The following PSTPIP1 variants were observed in gnomAD, a reference collection of about 807,000 sequenced individuals.
The protein encoded by PSTPIP1 is proline-serine-threonine phosphatase interacting protein 1, also known as proline-serine-threonine phosphatase-interacting protein 1.
Under a neutral mutation model 69.6 loss-of-function variants are expected in PSTPIP1, and 66 were observed. The ratio of observed to expected loss-of-function variants is 0.95; its 90% CI spans 0.78 to 1.16. The LOEUF is 1.16. Among genes scored for constraint, PSTPIP1 ranks in the 50% most tolerant of loss-of-function variants. The probability of loss-of-function intolerance (pLI) is 0.00; values close to 1 mark genes in which losing one functional copy is unlikely to be tolerated. For missense variants in PSTPIP1, 603 were observed against 557.4 expected (o/e 1.08, Z -0.82); for synonymous variants, 266 against 222.7 (o/e 1.19, Z -1.73).
At chr15:77,030,728 C>T in intron 9 of PSTPIP1, 147 bp downstream of exon 9, 1 of 842,248 alleles carries the variant, frequency 1.2e-6, no homozygotes. Flanking sequence ...GCTCACAGGC[C>T]TGTGCTGGGC....
Position 77,032,970 on chromosome 15 carries a change from G to A in PSTPIP1, c.929+18G>A, listed in dbSNP as rs773172907. The A allele has an allele frequency of 6.9e-6, 11 of 1,582,752 alleles. No individual in the cohort carries two copies. The highest frequency in any genetic ancestry group is 5.4e-5 in the African/African-American group (4 of 74,284). On this transcript the variant is annotated intron_variant, in intron 12 of 14. Transcript: ENST00000558012. ...ATAAAGAGGTGAGGCCCCGACAGACGGAGGGAGGGCCTAAGGCTGGGCCAG... is the reference window on the plus strand; with the variant it reads ...ATAAAGAGGTGAGGCCCCGACAGACAGAGGGAGGGCCTAAGGCTGGGCCAG...
At position 77,034,210 on chromosome 15, in the gene PSTPIP1, G is replaced by A. The variant is rs373839045; in HGVS notation, c.929+1258G>A. On this transcript the variant is annotated intron_variant, in intron 12 of 14. Transcript: ENST00000558012. ...CTGGGGAAAAGAGGTGTGGGGGCAC[G>A]CAGCACAATGGCTCAGCAAGCCCTG... Among the ~76,000 whole-genome samples, 1,480 of 151,834 alleles carry A rather than the reference G, an allele frequency of 9.7e-3. 26 individuals are homozygous for A. Among genetic ancestry groups the A allele is most frequent in the African/African-American group, 0.033 (1,381 of 41,334 alleles).
chr15:77,026,436 C>A (rs933227491), intron 5 of PSTPIP1, among the ~76,000 whole-genome samples: 2 of 152,248 alleles, frequency 1.3e-5, no homozygotes, highest in Admixed American at 6.5e-5. Flanking sequence ...AAAGTCACAA[C>A]TGAGCCTTGA....
intron 1 of PSTPIP1, among the ~76,000 whole-genome samples, chr15:77,012,126 C>G (rs1445262029): frequency 5.5e-5 from 6 of 108,508 alleles, no homozygotes; most frequent in Non-Finnish European, 7.9e-5. Context: ...TCCATCCATC[C>G]ATCCATCCAT....
chr15:77,007,597 CTT>C (rs78797703), intron 1 of PSTPIP1, among the ~76,000 whole-genome samples: 14 of 141,202 alleles, frequency 9.9e-5, no homozygotes, highest in East Asian at 2.1e-4. Context: ...CAACAGAACA[CTT>C]TTTTTTTTTT....
chr15:77,022,822 G>A (rs1260151843), intron 3 of PSTPIP1, among the ~76,000 whole-genome samples: 1 of 152,248 alleles, frequency 6.6e-6, no homozygotes, highest in Non-Finnish European at 1.5e-5. Context: ...AGGAAGGCCT[G>A]CAGCCCAGGG....
At chr15:77,019,197 T>C (rs577551104) in intron 3 of PSTPIP1, among the ~76,000 whole-genome samples, 2 of 152,090 alleles carry the variant, frequency 1.3e-5, no homozygotes, top group Non-Finnish European at 1.5e-5. Context: ...GGTGAGGAGA[T>C]GAAGGTGAGT....
At chr15:77,007,789 G>C in intron 1 of PSTPIP1, 1 of 400,620 alleles carries the variant, frequency 2.5e-6, no homozygotes, top group Non-Finnish European at 5.0e-6. Flanking sequence ...TAGAGACGGG[G>C]TTTCACTGGT....
intron 1 of PSTPIP1, among the ~76,000 whole-genome samples, chr15:77,017,878 G>A (rs549937061): frequency 1.3e-5 from 2 of 152,354 alleles, no homozygotes; most frequent in South Asian, 4.1e-4. Context: ...TGTGTGTCCT[G>A]TCCTGTGAGC....
intron 1 of PSTPIP1, among the ~76,000 whole-genome samples, chr15:77,017,359 AAC>A (rs2076071726): frequency 6.6e-6 from 1 of 152,214 alleles, no homozygotes; most frequent in South Asian, 2.1e-4. Flanking sequence ...GGCCAGGAAC[AAC>A]AGCCAGGGCA....
chr15:77,005,492 A>C (rs1014223424), intron 1 of PSTPIP1, among the ~76,000 whole-genome samples: 9 of 152,252 alleles, frequency 5.9e-5, no homozygotes, highest in African/African-American at 2.2e-4. Flanking sequence ...AGAGGTTAGA[A>C]GTTTTGGGGG....
At chr15:77,032,795 C>G (rs941187986) in intron 11 of PSTPIP1, 67 bp from the exon 12 acceptor site, 19 of 1,385,178 alleles carry the variant, frequency 1.4e-5, no homozygotes, top group East Asian at 2.5e-5. Flanking sequence ...AGGGCCCCAG[C>G]TGAGTCTGGC....
intron 14 of PSTPIP1, 119 bp from the exon 15 acceptor site, chr15:77,036,926 C>T: frequency 5.0e-6 from 7 of 1,397,706 alleles, no homozygotes; most frequent in Non-Finnish European, 6.8e-6. Flanking sequence ...AGGGGCTGCC[C>T]CTGCCCACCC....
At chr15:77,014,791 C>T (rs1397828222) in intron 1 of PSTPIP1, among the ~76,000 whole-genome samples, 1 of 152,274 alleles carries the variant, frequency 6.6e-6, no homozygotes, top group Admixed American at 6.5e-5. Context: ...CTGTCCCTGA[C>T]AGAACAGGGC....
chr15:77,025,387 A>G, intron 4 of PSTPIP1, 69 bp downstream of exon 4: 1 of 1,579,866 alleles, frequency 6.3e-7, no homozygotes, highest in Non-Finnish European at 8.7e-7. Context: ...TTGGGGGGAC[A>G]GAAGATGAGG....
intron 5 of PSTPIP1, 101 bp downstream of exon 5, chr15:77,025,705 GCGGCA>G: frequency 1.1e-6 from 1 of 912,942 alleles, no homozygotes; most frequent in Non-Finnish European, 1.6e-6. Flanking sequence ...CCAGTGGAGG[GCGGCA>G]GGGGTGGTGG....
chr15:76,998,237 G>A (rs1241532648), intron 1 of PSTPIP1, among the ~76,000 whole-genome samples: 1 of 152,130 alleles, frequency 6.6e-6, no homozygotes, highest in African/African-American at 2.4e-5. Flanking sequence ...ACAGAGTGGA[G>A]GGACCCTACT....
chr15:77,036,494 G>A (rs1400077542), intron 14 of PSTPIP1, among the ~76,000 whole-genome samples: 2 of 152,196 alleles, frequency 1.3e-5, no homozygotes, highest in East Asian at 1.9e-4. Flanking sequence ...GGGCAGCTAT[G>A]AGAGTCCTTT....
intron 1 of PSTPIP1, among the ~76,000 whole-genome samples, chr15:77,010,279 C>G (rs1287135722): frequency 2.0e-5 from 3 of 152,240 alleles, no homozygotes; most frequent in Non-Finnish European, 4.4e-5. Flanking sequence ...TAAGATGGAA[C>G]AGTAACAGCA....
Sources: allele counts gnomAD v4.1 joint callset (sites outside exome capture counted in the v4.1 genomes callset), GRCh38; gene constraint gnomAD v4.1.1; transcripts MANE v1.5; gene names NCBI Gene and HGNC (gene_info 2026-07-23, HGNC 2026-07-21).